The following HS3ST5 variants were observed in gnomAD, a reference collection of about 807,000 sequenced individuals.
HS3ST5 encodes the protein heparan sulfate glucosamine 3-O-sulfotransferase 5.
HS3ST5 carries 10 observed loss-of-function variants against 25.4 expected under a neutral mutation model. The ratio of observed to expected loss-of-function variants is 0.39; its 90% CI spans 0.24 to 0.67. HS3ST5 has a LOEUF of 0.67. Among genes scored for constraint, HS3ST5 ranks in the 30% least tolerant of loss-of-function variants. HS3ST5 has a pLI of 0.44. For synonymous variants in HS3ST5, 170 were observed against 162.4 expected (o/e 1.05, Z -0.36); for missense variants, 324 against 420.7 (o/e 0.77, Z 2.01).
chr6:114,064,997 G>C (rs944005647), intron 3 of HS3ST5, among the ~76,000 whole-genome samples: 2 of 152,114 alleles, frequency 1.3e-5, no homozygotes, highest in Non-Finnish European at 2.9e-5. Context: ...AGGATTAAGA[G>C]CATAAGCAAA....
At chr6:114,304,880 T>C (rs1440303939) in intron 1 of HS3ST5, among the ~76,000 whole-genome samples, 1 of 152,142 alleles carries the variant, frequency 6.6e-6, no homozygotes, top group African/African-American at 2.4e-5. Context: ...GGTTGATGTA[T>C]ATTTTTAAAA....
intron 2 of HS3ST5, among the ~76,000 whole-genome samples, chr6:114,198,467 C>A (rs905181297): frequency 2.0e-5 from 3 of 152,024 alleles, no homozygotes; most frequent in Non-Finnish European, 4.4e-5. Context: ...TCGATCATTC[C>A]CCAGGCACAT....
At chr6:114,233,110 T>C (rs1771685445) in intron 1 of HS3ST5, among the ~76,000 whole-genome samples, 1 of 151,882 alleles carries the variant, frequency 6.6e-6, no homozygotes, top group Admixed American at 6.6e-5. Context: ...GAGTCTTTAA[T>C]ACATAGTAGG....
At chr6:114,313,290 C>T (rs983044159) in intron 1 of HS3ST5, among the ~76,000 whole-genome samples, 1 of 152,036 alleles carries the variant, frequency 6.6e-6, no homozygotes, top group Non-Finnish European at 1.5e-5. Flanking sequence ...AGTTTGATAG[C>T]CTTATGGAGA....
intron 3 of HS3ST5, among the ~76,000 whole-genome samples, chr6:114,155,824 T>C (rs1054999156): frequency 6.6e-6 from 1 of 152,162 alleles, no homozygotes; most frequent in Non-Finnish European, 1.5e-5. Flanking sequence ...TATTTATAGA[T>C]TGAAATGGAA....
intron 3 of HS3ST5, among the ~76,000 whole-genome samples, chr6:114,160,201 A>C (rs1185232402): frequency 1.3e-5 from 2 of 152,048 alleles, no homozygotes; most frequent in Non-Finnish European, 2.9e-5. Context: ...GATAGTATAC[A>C]GGGTACTCTT....
chr6:114,225,726 A>G (rs555278824), intron 2 of HS3ST5, among the ~76,000 whole-genome samples: 34 of 152,098 alleles, frequency 2.2e-4, no homozygotes, highest in Admixed American at 8.5e-4. Context: ...CTATAGAATA[A>G]CACATGCAGG....
intron 3 of HS3ST5, among the ~76,000 whole-genome samples, chr6:114,134,524 A>AGAAGCT (rs1777498217): frequency 1.3e-5 from 2 of 152,182 alleles, no homozygotes; most frequent in Admixed American, 6.5e-5. Context: ...AGGAAGCAGG[A>AGAAGCT]CCTGCAGTGA....
intron 4 of HS3ST5, among the ~76,000 whole-genome samples, chr6:114,061,990 T>A (rs1163363481): frequency 3.9e-5 from 6 of 152,098 alleles, no homozygotes; most frequent in Non-Finnish European, 5.9e-5. Context: ...AAGCTTCACA[T>A]TTCAGAAATT....
chr6:114,245,831 G>A (rs1391981709), intron 1 of HS3ST5, among the ~76,000 whole-genome samples: 1 of 152,194 alleles, frequency 6.6e-6, no homozygotes, highest in Non-Finnish European at 1.5e-5. Context: ...CATACAGGTG[G>A]GAAAGAAAAG....
chr6:114,314,272 G>A (rs1287667227), intron 1 of HS3ST5, among the ~76,000 whole-genome samples: 1 of 152,080 alleles, frequency 6.6e-6, no homozygotes, highest in Non-Finnish European at 1.5e-5. Flanking sequence ...GATGTCTCAG[G>A]AATTTACATT....
chr6:114,181,479 T>C (rs1431532232), intron 2 of HS3ST5, among the ~76,000 whole-genome samples: 1 of 152,238 alleles, frequency 6.6e-6, no homozygotes, highest in African/African-American at 2.4e-5. Context: ...TCTAAATTAT[T>C]CTTTGGGATA....
chr6:114,305,002 A>G (rs1486307579), intron 1 of HS3ST5, among the ~76,000 whole-genome samples: 2 of 152,164 alleles, frequency 1.3e-5, no homozygotes, highest in African/African-American at 4.8e-5. Context: ...ACAAGTAATC[A>G]TTTCTTAAAG....
At chr6:114,203,240 G>A (rs1253301857) in intron 2 of HS3ST5, among the ~76,000 whole-genome samples, 1 of 152,172 alleles carries the variant, frequency 6.6e-6, no homozygotes, top group Non-Finnish European at 1.5e-5. Context: ...AATTATAACA[G>A]TGACAGAAAT....
intron 1 of HS3ST5, among the ~76,000 whole-genome samples, chr6:114,293,302 C>T (rs183881053): frequency 6.6e-6 from 1 of 152,206 alleles, no homozygotes. Flanking sequence ...ATGACTATAA[C>T]TTTAGAGTTT....
chr6:114,287,656 C>G (rs1229413895), intron 1 of HS3ST5, among the ~76,000 whole-genome samples: 1 of 151,914 alleles, frequency 6.6e-6, no homozygotes, highest in African/African-American at 2.4e-5. Context: ...GTTTCTGGCA[C>G]GGGATGATTC....
intron 3 of HS3ST5, among the ~76,000 whole-genome samples, chr6:114,145,668 C>A (rs1341094145): frequency 6.6e-6 from 1 of 152,114 alleles, no homozygotes; most frequent in African/African-American, 2.4e-5. Context: ...GACACCAAAG[C>A]AAACAAAGAC....
intron 3 of HS3ST5, among the ~76,000 whole-genome samples, chr6:114,080,073 G>A (rs769848504): frequency 1.3e-5 from 2 of 152,242 alleles, no homozygotes; most frequent in Admixed American, 6.5e-5. Flanking sequence ...CACCACGCTC[G>A]GCCTGCAATG....
chr6:114,079,110 G>A (rs989819052), intron 3 of HS3ST5, among the ~76,000 whole-genome samples: 5 of 152,204 alleles, frequency 3.3e-5, no homozygotes, highest in African/African-American at 4.8e-5. Flanking sequence ...TTGCTTCGAT[G>A]TTGATGGCTG....
Sources: gnomAD v4.1 joint callset for allele counts (sites outside exome capture counted in the v4.1 genomes callset) on GRCh38, gnomAD v4.1.1 for gene constraint, MANE v1.5 for transcripts, NCBI Gene and HGNC (gene_info 2026-07-23, HGNC 2026-07-21) for gene names.